Variants in ATP1A2 observed in about 807,000 individuals in gnomAD.
ATP1A2 encodes ATPase Na+/K+ transporting subunit alpha 2, also known as sodium/potassium-transporting ATPase subunit alpha-2.
Under a neutral mutation model 113.1 loss-of-function variants are expected in ATP1A2, and 56 were observed. The ratio of observed to expected loss-of-function variants is 0.49; its 90% CI spans 0.40 to 0.62. ATP1A2 has a LOEUF of 0.62. Ranked by LOEUF, ATP1A2 falls within the 20% of genes least tolerant of loss-of-function variation. The pLI, the probability that ATP1A2 is intolerant of heterozygous loss-of-function variation, is 0.00. For synonymous variants in ATP1A2, 490 were observed against 526.8 expected (o/e 0.93, Z 0.96); for missense variants, 712 against 1,357.8 (o/e 0.52, Z 7.47).
intron 13 of ATP1A2, among the ~76,000 whole-genome samples, chr1:160,131,240 A>G (rs1322120947): frequency 2.0e-5 from 3 of 152,214 alleles, no homozygotes; most frequent in African/African-American, 7.2e-5. Context: ...GGGAGGACAC[A>G]TATAAATCAG....
At position 160,136,953 on chromosome 1, in the gene ATP1A2, C is replaced by G. The variant is rs1454500750; in HGVS notation, c.2762C>G (p.Ala921Gly). Reference sequence around the variant, plus strand: ...TTCACGTGCCACACGGCATTCTTTGCCAGCATCGTGGTGGTGCAGTGGGCT... The same window carrying G: ...TTCACGTGCCACACGGCATTCTTTGGCAGCATCGTGGTGGTGCAGTGGGCT... ...VEFTCHTAFF[A>G]SIVVVQWADL... Residue 921 changes from alanine (A) to glycine (G), a missense_variant, in exon 20 of 23, where the codon GCC (alanine) becomes GGC (glycine). Coordinates refer to ENST00000361216, the MANE Select transcript of ATP1A2 (RefSeq NM_000702.4). The G allele has an allele frequency of 6.2e-7, 1 of 1,614,192 alleles. No homozygotes were observed. Among genetic ancestry groups the G allele is most frequent in the Admixed American group, 1.7e-5 (1 of 60,030 alleles).
rs112766586 is a variant in ATP1A2, at chr1:160,128,473, A to T, written c.1018-179A>T. On this transcript the variant is annotated intron_variant, in intron 8 of 22. Transcript: ENST00000361216. Reference sequence around the variant, plus strand: ...CCCCTAATGGGCATTTCATCTTAACAGATACTCATGATCTCAACACATCTA... The same window carrying T: ...CCCCTAATGGGCATTTCATCTTAACTGATACTCATGATCTCAACACATCTA... 9.8e-6 allele frequency: 15 copies of T among 1,527,344 alleles called. No individual in the cohort carries two copies. The South Asian group carries it at 1.6e-4, about 16-fold the overall frequency. 94.6% of individuals were successfully genotyped at this position (1,527,344 alleles called of 1,614,324 possible).
At chr1:160,136,161 G>C in intron 17 of ATP1A2, 86 bp from the exon 18 acceptor site, 1 of 1,605,584 alleles carries the variant, frequency 6.2e-7, no homozygotes, top group Non-Finnish European at 8.5e-7. Flanking sequence ...CTGTGTCAAC[G>C]ATCGTCACTG....
intron 8 of ATP1A2, 26 bp downstream of exon 8, chr1:160,127,846 C>G (rs1360312549): frequency 6.4e-7 from 1 of 1,565,446 alleles, no homozygotes; most frequent in Admixed American, 1.8e-5. Flanking sequence ...TGAGGTGCCA[C>G]CAGGGGAGGG....
chr1:160,141,623 C>A lies in ATP1A2; in HGVS notation c.*301C>A. 2 of 447,622 alleles carry A rather than the reference C, an allele frequency of 4.5e-6. No homozygotes were observed. Among genetic ancestry groups the A allele is most frequent in the South Asian group, 2.2e-5 (1 of 45,862 alleles). 27.7% of individuals were successfully genotyped at this position (447,622 alleles called of 1,614,324 possible). ...AGGAATTAAGGGTTACCCCACCCTG[C>A]CCACTCCCATCCCTTCAACCCCACT... On this transcript the variant is annotated 3_prime_UTR_variant, in exon 23 of 23. Coordinates refer to ENST00000361216, the MANE Select transcript of ATP1A2 (RefSeq NM_000702.4).
chr1:160,121,633 GGCCCCT>G (rs1651402343), intron 3 of ATP1A2, among the ~76,000 whole-genome samples: 1 of 152,206 alleles, frequency 6.6e-6, no homozygotes, highest in South Asian at 2.1e-4. Flanking sequence ...TGATTTGCTG[GGCCCCT>G]GCTACATATG....
At position 160,121,049 on chromosome 1, in the gene ATP1A2, C is replaced by A. The variant is rs769232975; in HGVS notation, c.117+39C>A. 5 of 1,611,280 alleles carry A rather than the reference C, an allele frequency of 3.1e-6. No homozygotes were observed. The South Asian group carries it at 5.5e-5, about 18-fold the overall frequency. On this transcript the variant is annotated intron_variant, in intron 2 of 22. Transcript: ENST00000361216. Reference sequence around the variant, plus strand: ...TGGGCCATGGAGGAGGGGCCCCATGCTGGGAGAGCTGTCCCTGCAGCCCAT... The same window carrying A: ...TGGGCCATGGAGGAGGGGCCCCATGATGGGAGAGCTGTCCCTGCAGCCCAT...
chr1:160,130,162 C>T lies in ATP1A2; in HGVS notation c.1522C>T (p.Pro508Ser). The change falls in exon 12 of 23, where the codon CCA becomes TCA. Residue 508 changes from proline to serine, a missense_variant. Pro to Ser is a moderately conservative substitution (Grantham distance 74). Coordinates refer to ENST00000361216, the MANE Select transcript of ATP1A2 (RefSeq NM_000702.4). ...CCACGTGCTGGTGATGAAGGGGGCC[C>T]CAGAGCGCATTCTGGACCGGTGCTC... is the stretch of plus-strand genomic sequence containing the variant. ...QSHVLVMKGA[P>S]ERILDRCSTI... The T allele has an allele frequency of 6.2e-7, 1 of 1,614,164 alleles. No individual in the cohort carries two copies. Among genetic ancestry groups the T allele is most frequent in the Non-Finnish European group, 8.5e-7 (1 of 1,180,010 alleles).
At position 160,135,394 on chromosome 1, in the gene ATP1A2, GA is replaced by G; in HGVS notation, c.2116-38del. ...GTGAGAGGCGAGGAGCCAGGCTTGGGAAGGGGTTTCGTCCTCAAGTGTGGCC... is the reference window on the plus strand; with the variant it reads ...GTGAGAGGCGAGGAGCCAGGCTTGGGAGGGGTTTCGTCCTCAAGTGTGGCC... On this transcript the variant is annotated intron_variant, in intron 15 of 22. Transcript: ENST00000361216. This position sits in a 1 kb window ranked among gnomAD's most constrained non-coding sequence, Gnocchi z 6.3. The G allele has an allele frequency of 6.2e-7, 1 of 1,614,200 alleles. No homozygotes were observed. Among genetic ancestry groups the G allele is most frequent in the Non-Finnish European group, 8.5e-7 (1 of 1,180,034 alleles).
At position 160,127,484 on chromosome 1, in the gene ATP1A2, G is replaced by A. The variant is rs1651621580; in HGVS notation, c.749-68G>A. 3.1e-6 allele frequency: 5 copies of A among 1,609,376 alleles called. No homozygotes were observed. In the African/African-American group the frequency reaches 5.3e-5, roughly 17 times the overall value. ...TCCTGTGATGATTTTCCTTGCTCAG[G>A]AAATAGGATGGGACTGCAGTCCCTG... On this transcript the variant is annotated intron_variant, in intron 7 of 22. Transcript: ENST00000361216.
In ATP1A2 at chr1:160,141,501, G is replaced by A. The variant is rs1424677339; in HGVS notation, c.*179G>A. On this transcript the variant is annotated 3_prime_UTR_variant, in exon 23 of 23. Coordinates refer to ENST00000361216, the MANE Select transcript of ATP1A2 (RefSeq NM_000702.4). ...TATAAATTGGGGTGATGACCCCATA[G>A]ACCTAACTGTGAACAATCAGATTAG... 1.4e-6 allele frequency: 1 copy of A among 734,428 alleles called. No individual in the cohort carries two copies. The highest frequency in any genetic ancestry group is 2.7e-5 in the East Asian group (1 of 37,148). The allele number at this position is 734,428 out of a possible 1,614,324, so 45.5% of individuals were successfully genotyped here.
At position 160,135,136 on chromosome 1, in the gene ATP1A2, A is replaced by T. The variant is rs774922813; in HGVS notation, c.1965-9A>T. 59 of 1,613,868 alleles carry T rather than the reference A, an allele frequency of 3.7e-5. No homozygotes were observed. In the South Asian group the frequency reaches 6.5e-4, roughly 18 times the overall value. ...GGGTCAGCTGTCTCTGTCCCCACCC[A>T]CCCTCCAGAGAAGCCAAGGCATGCG... On this transcript the variant is annotated splice_polypyrimidine_tract_variant and intron_variant, in intron 14 of 22. Coordinates refer to ENST00000361216, the MANE Select transcript of ATP1A2 (RefSeq NM_000702.4). This position sits in a 1 kb window ranked among gnomAD's most constrained non-coding sequence, Gnocchi z 6.3.
At chr1:160,139,285 T>C (rs1225390149) in intron 20 of ATP1A2, among the ~76,000 whole-genome samples, 1 of 152,156 alleles carries the variant, frequency 6.6e-6, no homozygotes, top group East Asian at 1.9e-4. Context: ...AGCATCTTGC[T>C]GGGGAGACAC....
At chr1:160,136,874 A>T in intron 19 of ATP1A2, 27 bp from the exon 20 acceptor site, 1 of 1,614,204 alleles carries the variant, frequency 6.2e-7, no homozygotes, top group Admixed American at 1.7e-5. Flanking sequence ...CGACACTCTC[A>T]TCTGTCTCTG....
Position 160,140,421 on chromosome 1 carries a change from C to T in ATP1A2, c.3034+437C>T, listed in dbSNP as rs532764475. On this transcript the variant is annotated intron_variant, in intron 22 of 22. Coordinates refer to ENST00000361216, the MANE Select transcript of ATP1A2 (RefSeq NM_000702.4). ...GACAAGTTATTGTTTTTCCTACAAG[C>T]GTTTTTTAATCACTTAGTAGAGGTT... 2.0e-3 allele frequency among the ~76,000 whole-genome samples: 304 copies of T among 152,202 alleles called. 3 individuals are homozygous for T. The highest frequency in any genetic ancestry group is 7.0e-3 in the African/African-American group (292 of 41,512).
intron 1 of ATP1A2, among the ~76,000 whole-genome samples, chr1:160,117,196 A>G (rs1295164851): frequency 6.6e-6 from 1 of 152,122 alleles, no homozygotes; most frequent in Non-Finnish European, 1.5e-5. Context: ...CTGCAGGAAG[A>G]TATACTGTCT....
intron 22 of ATP1A2, 106 bp from the exon 23 acceptor site, chr1:160,141,188 A>C: frequency 7.2e-7 from 1 of 1,391,558 alleles, no homozygotes; most frequent in South Asian, 1.2e-5. Flanking sequence ...GCCCTTCACC[A>C]GGCTTCTCCT....
rs1233691067 is a variant in ATP1A2 at position 160,115,773 on chromosome 1, G to T, written c.-89G>T. 3 of 1,518,108 alleles carry T rather than the reference G, an allele frequency of 2.0e-6. No individual in the cohort carries two copies. The Admixed American group carries it at 5.9e-5, about 30-fold the overall frequency. 94.0% of individuals were successfully genotyped at this position (1,518,108 alleles called of 1,614,324 possible). A position where few individuals can be genotyped will look rare whatever the true frequency, so the allele number is the denominator to read the frequency against. On this transcript the variant is annotated 5_prime_UTR_variant, in exon 1 of 23. Coordinates refer to ENST00000361216, the MANE Select transcript of ATP1A2 (RefSeq NM_000702.4). ...GCTTTGGCTTTCTCTGTCTGCCAGGGTCTCCGACTGTCCCAGACGGGCTGG... is the reference window on the plus strand; with the variant it reads ...GCTTTGGCTTTCTCTGTCTGCCAGGTTCTCCGACTGTCCCAGACGGGCTGG...
intron 8 of ATP1A2, among the ~76,000 whole-genome samples, 177 bp downstream of exon 8, chr1:160,127,997 G>A (rs1651638911): frequency 6.6e-6 from 1 of 152,196 alleles, no homozygotes; most frequent in African/African-American, 2.4e-5. Context: ...AGAAATCTCA[G>A]GTGGGGCTAT....
Sources: allele counts gnomAD v4.1 joint callset (sites outside exome capture counted in the v4.1 genomes callset), GRCh38; gene constraint gnomAD v4.1.1; non-coding constraint Gnocchi (gnomAD v3.1); transcripts MANE v1.5; gene names NCBI Gene and HGNC (gene_info 2026-07-23, HGNC 2026-07-21).